The following MSR1 variants were observed in gnomAD, a reference collection of about 807,000 sequenced individuals.
MSR1 encodes the protein macrophage scavenger receptor types I and II.
In MSR1, 53 loss-of-function variants were observed where a neutral mutation model predicts 47.2. The observed-to-expected ratio is 1.12, with a 90% CI of 0.90 to 1.41. MSR1 has a LOEUF of 1.41. Among genes scored for constraint, MSR1 ranks in the 40% most tolerant of loss-of-function variants. The pLI, the probability that MSR1 is intolerant of heterozygous loss-of-function variation, is 0.00. For missense variants in MSR1, 786 were observed against 546.9 expected (o/e 1.44, Z -4.36); for synonymous variants, 239 against 185.6 (o/e 1.29, Z -2.34).
intron 1 of MSR1, among the ~76,000 whole-genome samples, chr8:16,185,376 A>G (rs1251593222): frequency 6.6e-6 from 1 of 152,148 alleles, no homozygotes; most frequent in Non-Finnish European, 1.5e-5. Context: ...ACTAGCTACA[A>G]ACGTGGATTT....
At chr8:16,162,888 C>A (rs541175794) in intron 5 of MSR1, among the ~76,000 whole-genome samples, 21 of 151,816 alleles carry the variant, frequency 1.4e-4, no homozygotes, top group Non-Finnish European at 4.4e-5. Flanking sequence ...CTAATTAAGG[C>A]TCCACAAGAT....
intron 8 of MSR1, among the ~76,000 whole-genome samples, chr8:16,129,023 G>A (rs1450834368): frequency 6.6e-6 from 1 of 152,036 alleles, no homozygotes; most frequent in African/African-American, 2.4e-5. Flanking sequence ...AGTTCGAGGT[G>A]GAAGATGTTT....
intron 8 of MSR1, among the ~76,000 whole-genome samples, chr8:16,137,079 A>G (rs1182954565): frequency 6.6e-6 from 1 of 152,130 alleles, no homozygotes; most frequent in Non-Finnish European, 1.5e-5. Flanking sequence ...GAGACATTGG[A>G]GCAGCCAAAT....
At chr8:16,154,274 C>G (rs1469798234) in intron 6 of MSR1, among the ~76,000 whole-genome samples, 2 of 151,866 alleles carry the variant, frequency 1.3e-5, no homozygotes, top group Non-Finnish European at 2.9e-5. Context: ...TATAATTAGA[C>G]CTTGCAGTAT....
At chr8:16,184,292 C>G (rs1041701160) in intron 1 of MSR1, among the ~76,000 whole-genome samples, 3 of 151,938 alleles carry the variant, frequency 2.0e-5, no homozygotes, top group East Asian at 3.9e-4. Flanking sequence ...GGAGAGGGGT[C>G]CTGCACATTA....
At chr8:16,151,193 T>C (rs1800848778) in intron 6 of MSR1, among the ~76,000 whole-genome samples, 1 of 152,082 alleles carries the variant, frequency 6.6e-6, no homozygotes, top group African/African-American at 2.4e-5. Flanking sequence ...TTGCCTGCTT[T>C]AGACAGGAGC....
intron 8 of MSR1, chr8:16,141,207 T>C: frequency 1.4e-6 from 1 of 721,722 alleles, no homozygotes; most frequent in Non-Finnish European, 2.3e-6. Context: ...AATAAATTGG[T>C]ACAAGCTTTT....
chr8:16,168,568 C>A lies in MSR1; in HGVS notation c.520G>T (p.Asp174Tyr), dbSNP rs72552387. The change falls in exon 4 of 10, where the codon GAT becomes TAT. Residue 174 changes from aspartate to tyrosine, a missense_variant. Coordinates refer to ENST00000262101, the MANE Select transcript of MSR1 (RefSeq NM_138715.3). ...SSVQGHGNAI[D>Y]EISKSLISLN... The stretch of plus-strand genomic sequence containing the variant: ...CTTATTAAGGACTTGGAGATTTCAT[C>A]TATTGCATTCCCATGTCCCTGGACT... The A allele has an allele frequency of 1.2e-3, 1,960 of 1,614,122 alleles. 26 individuals carry two copies. The African/African-American group carries it at 0.022, about 18-fold the overall frequency.
chr8:16,170,428 C>A (rs143514541), intron 3 of MSR1, among the ~76,000 whole-genome samples: 41 of 152,022 alleles, frequency 2.7e-4, no homozygotes, highest in African/African-American at 9.6e-4. Context: ...TCAGTCATGG[C>A]TGAGGTTTTC....
intron 8 of MSR1, among the ~76,000 whole-genome samples, chr8:16,125,444 GT>G (rs1800107423): frequency 1.3e-5 from 2 of 152,084 alleles, no homozygotes; most frequent in African/African-American, 2.4e-5. Flanking sequence ...AATACATTCA[GT>G]CAGGTAAAAT....
At chr8:16,137,103 G>T (rs1008487908) in intron 8 of MSR1, among the ~76,000 whole-genome samples, 2 of 152,028 alleles carry the variant, frequency 1.3e-5, no homozygotes, top group Non-Finnish European at 2.9e-5. Context: ...AGTGAAAAAT[G>T]TTAAGGCTGA....
intron 4 of MSR1, among the ~76,000 whole-genome samples, chr8:16,166,936 T>TATAC (rs1554471519): frequency 6.8e-6 from 1 of 146,972 alleles, no homozygotes; most frequent in East Asian, 2.0e-4. Flanking sequence ...TACACAGGAG[T>TATAC]ACACACACAC....
intron 4 of MSR1, among the ~76,000 whole-genome samples, chr8:16,165,734 T>G (rs1801286408): frequency 6.6e-6 from 1 of 152,182 alleles, no homozygotes; most frequent in Admixed American, 6.5e-5. Context: ...AGGATCAAGA[T>G]GGTCAGAGTG....
At chr8:16,131,916 A>G (rs114774709) in intron 8 of MSR1, among the ~76,000 whole-genome samples, 2,567 of 151,166 alleles carry the variant, frequency 0.017, 96 homozygotes, top group African/African-American at 0.059. Context: ...AGGTACCATG[A>G]TATCTCCAGC....
At chr8:16,157,913 A>G (rs907717457) in intron 5 of MSR1, among the ~76,000 whole-genome samples, 4 of 151,894 alleles carry the variant, frequency 2.6e-5, no homozygotes, top group Non-Finnish European at 5.9e-5. Context: ...TGTCTCTATC[A>G]AATTAAGGAA....
chr8:16,183,754 G>A (rs979666829), intron 1 of MSR1, among the ~76,000 whole-genome samples: 3 of 140,722 alleles, frequency 2.1e-5, no homozygotes, highest in East Asian at 4.0e-4. Flanking sequence ...ATAAATATAT[G>A]TATAATTATA....
intron 8 of MSR1, among the ~76,000 whole-genome samples, chr8:16,128,883 T>C (rs1404001678): frequency 6.6e-6 from 1 of 152,094 alleles, no homozygotes; most frequent in African/African-American, 2.4e-5. Context: ...AATACGTTAA[T>C]AATAATAATA....
rs1799816737 is a variant in MSR1, at chr8:16,113,841, T to C, written c.1223-3623A>G. ...GATGTTCCATCTGGTGGAGAAAGCATGGTATGAGAGAAAGGTTAAGGCATG... is the reference window on the plus strand; with the variant it reads ...GATGTTCCATCTGGTGGAGAAAGCACGGTATGAGAGAAAGGTTAAGGCATG... On this transcript the variant is annotated intron_variant, in intron 9 of 9. Transcript: ENST00000262101. Among the ~76,000 whole-genome samples the C allele has an allele frequency of 2.0e-5, 3 of 152,216 alleles. No individual in the cohort carries two copies. In the South Asian group the frequency reaches 6.2e-4, roughly 32 times the overall value.
chr8:16,157,006 A>C (rs1801030976), intron 5 of MSR1, among the ~76,000 whole-genome samples: 1 of 151,942 alleles, frequency 6.6e-6, no homozygotes, highest in Non-Finnish European at 1.5e-5. Flanking sequence ...CAGGACAGAC[A>C]CTCAATTTAT....
Sources: gnomAD v4.1 joint callset for allele counts (sites outside exome capture counted in the v4.1 genomes callset) on GRCh38, gnomAD v4.1.1 for gene constraint, MANE v1.5 for transcripts, NCBI Gene and HGNC (gene_info 2026-07-23, HGNC 2026-07-21) for gene names.